ASIC2: variants seen among roughly 807,000 people sequenced by gnomAD.
ASIC2 encodes the protein acid sensing ion channel subunit 2, also known as acid-sensing ion channel 2.
Under a neutral mutation model 57.3 loss-of-function variants are expected in ASIC2, and 25 were observed. The ratio of observed to expected loss-of-function variants is 0.44; its 90% CI spans 0.32 to 0.61. The LOEUF (loss-of-function observed/expected upper bound fraction) is 0.61, where lower values mean the gene tolerates loss of function less well. ASIC2 is among the 20% of genes least tolerant of loss of function. The pLI, the probability that ASIC2 is intolerant of heterozygous loss-of-function variation, is 0.06. For missense variants in ASIC2, 641 were observed against 738.1 expected, an observed-to-expected ratio of 0.87 and a Z score of 1.52; for synonymous variants, 319 against 307.5, an observed-to-expected ratio of 1.04 and a Z score of -0.39.
At chr17:33,719,846 G>A (rs1239133808) in intron 1 of ASIC2, among the ~76,000 whole-genome samples, 2 of 152,192 alleles carry the variant, frequency 1.3e-5, no homozygotes, top group Non-Finnish European at 2.9e-5. Flanking sequence ...CGCACAGCGA[G>A]AATGAATGTG....
chr17:33,803,463 T>C (rs1266886377), intron 1 of ASIC2, among the ~76,000 whole-genome samples: 1 of 152,048 alleles, frequency 6.6e-6, no homozygotes, highest in Non-Finnish European at 1.5e-5. Flanking sequence ...CCTAAGAGTG[T>C]ACCCCAGGGC....
rs142828804 is a variant in ASIC2 at position 33,534,715 on chromosome 17, T to C, written c.556-422648A>G. On this transcript the variant is annotated intron_variant, in intron 1 of 9. Coordinates refer to the ASIC2 transcript ENST00000359872. ...GACCTAACGTGTTGCTGTTAGATCT[T>C]AGACTAGAATTCAGGTCCTGTGGCT... The C allele has an allele frequency of 2.0e-5, 3 of 152,356 alleles. No individual in the cohort carries two copies. The East Asian group carries it at 5.8e-4, about 29-fold the overall frequency. 9.4% of individuals were successfully genotyped at this position (152,356 alleles called of 1,614,324 possible). A position where few individuals can be genotyped will look rare whatever the true frequency, so the allele number is the denominator to read the frequency against.
chr17:33,585,005 A>C (rs1287199831), intron 1 of ASIC2, among the ~76,000 whole-genome samples: 2 of 152,284 alleles, frequency 1.3e-5, no homozygotes, highest in East Asian at 3.9e-4. Flanking sequence ...CAGTTGGAGA[A>C]GAGTTTTGGG....
chr17:33,093,428 AAGAGAG>A (rs58579661), intron 2 of ASIC2, among the ~76,000 whole-genome samples: 161 of 149,128 alleles, frequency 1.1e-3, no homozygotes, highest in Non-Finnish European at 1.8e-3. Context: ...CAAGGACAGA[AAGAGAG>A]AGAGAGAGAG....
At chr17:33,430,456 G>T (rs376715738) in intron 1 of ASIC2, among the ~76,000 whole-genome samples, 2 of 152,280 alleles carry the variant, frequency 1.3e-5, no homozygotes, top group African/African-American at 4.8e-5. Context: ...ATAGGTAAGG[G>T]GCTCCTGGAT....
At chr17:33,852,577 C>G (rs773436293) in intron 1 of ASIC2, among the ~76,000 whole-genome samples, 2 of 152,094 alleles carry the variant, frequency 1.3e-5, no homozygotes, top group African/African-American at 4.8e-5. Flanking sequence ...GCCTAGAAAC[C>G]GAAATATGAC....
intron 1 of ASIC2, among the ~76,000 whole-genome samples, chr17:33,613,817 T>C (rs530474666): frequency 7.0e-4 from 107 of 152,338 alleles, no homozygotes; most frequent in Admixed American, 2.0e-3. Flanking sequence ...TTAATGCCTT[T>C]AGAGTAGTCT....
At chr17:33,898,047 A>G (rs1217054254) in intron 1 of ASIC2, among the ~76,000 whole-genome samples, 1 of 152,118 alleles carries the variant, frequency 6.6e-6, no homozygotes, top group Non-Finnish European at 1.5e-5. Flanking sequence ...TGCAACTATA[A>G]AAGTTGCAAT....
intron 1 of ASIC2, among the ~76,000 whole-genome samples, chr17:33,139,934 C>T (rs569084068): frequency 2.2e-3 from 331 of 152,310 alleles, no homozygotes; most frequent in Admixed American, 4.8e-3. Context: ...GGGACTAACA[C>T]GTTTTGCCCC....
intron 1 of ASIC2, among the ~76,000 whole-genome samples, chr17:33,205,634 G>T (rs1371268272): frequency 6.6e-6 from 1 of 152,200 alleles, no homozygotes; most frequent in East Asian, 1.9e-4. Context: ...ACTAGAATTT[G>T]CAGGAGTTCC....
At chr17:34,006,702 C>T (rs190905834) in intron 1 of ASIC2, 146 of 152,062 alleles carry the variant, frequency 9.6e-4, no homozygotes, top group African/African-American at 3.5e-3. Flanking sequence ...AATTTTGTAA[C>T]GATCACATCA....
chr17:33,057,529 T>C (rs1458652960), intron 3 of ASIC2, among the ~76,000 whole-genome samples: 1 of 152,226 alleles, frequency 6.6e-6, no homozygotes, highest in South Asian at 2.1e-4. Flanking sequence ...CTGGATAACA[T>C]CTTTGCAGGG....
At chr17:33,407,219 A>C (rs1245956179) in intron 1 of ASIC2, among the ~76,000 whole-genome samples, 1 of 152,246 alleles carries the variant, frequency 6.6e-6, no homozygotes, top group Non-Finnish European at 1.5e-5. Context: ...TAAGAAAATC[A>C]TCTTGGAGAA....
chr17:33,953,494 A>C (rs1034198233), intron 1 of ASIC2, among the ~76,000 whole-genome samples: 4 of 152,194 alleles, frequency 2.6e-5, no homozygotes, highest in Admixed American at 1.3e-4. Flanking sequence ...TTGAATATAC[A>C]TATCACAATA....
At chr17:34,087,791 C>G (rs879103498) in intron 1 of ASIC2, among the ~76,000 whole-genome samples, 1 of 152,060 alleles carries the variant, frequency 6.6e-6, no homozygotes, top group Non-Finnish European at 1.5e-5. Context: ...TCATTCATTT[C>G]ATCTTCCATC....
intron 1 of ASIC2, among the ~76,000 whole-genome samples, chr17:33,706,443 C>A (rs1908866550): frequency 6.6e-6 from 1 of 151,520 alleles, no homozygotes; most frequent in African/African-American, 2.4e-5. Flanking sequence ...AGGCTGGTCT[C>A]AAATTCCTGA....
chr17:33,464,448 C>A (rs553535149), intron 1 of ASIC2, among the ~76,000 whole-genome samples: 1 of 110,434 alleles, frequency 9.1e-6, no homozygotes, highest in Admixed American at 8.9e-5. Context: ...TCTACACATG[C>A]CTCTTTTTCT....
rs1391349242 is a variant in ASIC2 at position 34,088,305 on chromosome 17, A to G, written c.555+67673T>C. Among the ~76,000 whole-genome samples, 6 of 152,108 alleles carry G rather than the reference A, an allele frequency of 3.9e-5. No individual in the cohort carries two copies. In the East Asian group the frequency reaches 1.2e-3, roughly 29 times the overall value. On this transcript the variant is annotated intron_variant, in intron 1 of 9. Coordinates refer to the ASIC2 transcript ENST00000359872. ...GTCTGTTGGAGTTTGCTAGAGGTCCACTCCAGACCCTGTTTGCCTGGGTAT... is the reference window on the plus strand; with the variant it reads ...GTCTGTTGGAGTTTGCTAGAGGTCCGCTCCAGACCCTGTTTGCCTGGGTAT...
rs563953839 is a variant in ASIC2 at position 34,098,508 on chromosome 17, G to A, written c.555+57470C>T. Among the ~76,000 whole-genome samples the A allele has an allele frequency of 1.1e-4, 16 of 152,252 alleles. No homozygotes were observed. The South Asian group carries it at 1.2e-3, about 12-fold the overall frequency. On this transcript the variant is annotated intron_variant, in intron 1 of 9. Coordinates refer to the ASIC2 transcript ENST00000359872. ...CTTGAGTTGAATCTGAAAAATGAGG[G>A]CGAATGTGCTCAGGGAAGGGCCCTG...
Sources: allele counts gnomAD v4.1 joint callset (sites outside exome capture counted in the v4.1 genomes callset), GRCh38; gene constraint gnomAD v4.1.1; transcripts MANE v1.5; gene names NCBI Gene and HGNC (gene_info 2026-07-23, HGNC 2026-07-21).